Variants in MRGPRX3 observed in about 807,000 individuals in gnomAD.
The protein encoded by MRGPRX3 is mas-related G protein-coupled receptor member X3.
In MRGPRX3, 14 loss-of-function variants were observed where a neutral mutation model predicts 16.5. The observed-to-expected ratio is 0.85, with a 90% CI of 0.56 to 1.33. The LOEUF is 1.33. Ranked by LOEUF, MRGPRX3 falls within the 40% of genes most tolerant of loss-of-function variation. MRGPRX3 has a pLI of 0.00. For synonymous variants in MRGPRX3, 199 were observed against 180.1 expected (o/e 1.10, Z -0.84); for missense variants, 449 against 413.0 (o/e 1.09, Z -0.76).
At chr11:18,131,353 T>C (rs1441211570), upstream of MRGPRX3, among the ~76,000 whole-genome samples, 1 of 151,240 alleles carries the variant, frequency 6.6e-6, no homozygotes, top group Non-Finnish European at 1.5e-5. Flanking sequence ...AAGCAAACAA[T>C]CCCATGAAAG....
upstream of MRGPRX3, among the ~76,000 whole-genome samples, chr11:18,129,909 A>G (rs1453452141): frequency 6.6e-6 from 1 of 152,240 alleles, no homozygotes; most frequent in Admixed American, 6.5e-5. Flanking sequence ...CATCACATAA[A>G]CAGAATTAAA....
upstream of MRGPRX3, among the ~76,000 whole-genome samples, chr11:18,131,133 T>C (rs1848956901): frequency 6.6e-6 from 1 of 152,110 alleles, no homozygotes; most frequent in Non-Finnish European, 1.5e-5. Context: ...GGCAAAGACT[T>C]CATGGCCAAG....
At chr11:18,129,399 T>C (rs1402836987), upstream of MRGPRX3, among the ~76,000 whole-genome samples, 1 of 152,228 alleles carries the variant, frequency 6.6e-6, no homozygotes, top group Admixed American at 6.5e-5. Flanking sequence ...TTCAAGACTA[T>C]TGTGATCACC....
At chr11:18,134,613 T>C (rs1320067768) in intron 1 of MRGPRX3, among the ~76,000 whole-genome samples, 1 of 152,210 alleles carries the variant, frequency 6.6e-6, no homozygotes, top group Non-Finnish European at 1.5e-5. Flanking sequence ...AATGACACTC[T>C]TCGAGATCTG....
chr11:18,125,782 G>A (rs1275505959), intron 1 of MRGPRX3, among the ~76,000 whole-genome samples: 3 of 152,192 alleles, frequency 2.0e-5, no homozygotes, highest in Non-Finnish European at 4.4e-5. Context: ...AATATTGACA[G>A]TGGGGTATTA....
Position 18,124,758 on chromosome 11 carries a change from G to A in MRGPRX3, c.-152+3594G>A, listed in dbSNP as rs535201896. On this transcript the variant is annotated intron_variant, in intron 1 of 2. Transcript: ENST00000396275. ...CTATTGATTGGAATAATTTCAGAAGGAATGGTACCAGCTCCTCCTTGTACC... is the reference window on the plus strand; with the variant it reads ...CTATTGATTGGAATAATTTCAGAAGAAATGGTACCAGCTCCTCCTTGTACC... Among the ~76,000 whole-genome samples the A allele has an allele frequency of 6.3e-4, 96 of 152,124 alleles. 1 individual carries two copies. In the East Asian group the frequency reaches 0.016, roughly 25 times the overall value.
chr11:18,124,977 G>A (rs572097156), intron 1 of MRGPRX3, among the ~76,000 whole-genome samples: 5 of 152,300 alleles, frequency 3.3e-5, no homozygotes, highest in Non-Finnish European at 5.9e-5. Context: ...TATTTGCATA[G>A]AGGTGTTTAT....
In MRGPRX3 at chr11:18,132,717, T is replaced by A. The variant is rs1325093267; in HGVS notation, c.-48T>A. On this transcript the variant is annotated 5_prime_UTR_variant, in exon 1 of 2. Transcript: ENST00000621697. ...TTAGCACAAGGGAGGTCTTCACCACTGGACAAAGAAGGAACGATAAGGGTA... is the reference window on the plus strand; with the variant it reads ...TTAGCACAAGGGAGGTCTTCACCACAGGACAAAGAAGGAACGATAAGGGTA... 1 of 152,240 alleles carries A rather than the reference T, an allele frequency of 6.6e-6. No homozygotes were observed. The highest frequency in any genetic ancestry group is 2.4e-5 in the African/African-American group (1 of 41,458). The allele number at this position is 152,240 out of a possible 1,614,324, so 9.4% of individuals were successfully genotyped here. A position where few individuals can be genotyped will look rare whatever the true frequency, so the allele number is the denominator to read the frequency against.
rs984286689 is a variant in MRGPRX3 at position 18,132,710 on chromosome 11, TCAC to T, written c.-51_-49del. On this transcript the variant is annotated 5_prime_UTR_variant, in exon 1 of 2. Transcript: ENST00000621697. The stretch of plus-strand genomic sequence containing the variant: ...TCTACCTTTAGCACAAGGGAGGTCT[TCAC>T]CACTGGACAAAGAAGGAACGATAAG... 3 of 152,260 alleles carry T rather than the reference TCAC, an allele frequency of 2.0e-5. No individual in the cohort carries two copies. Among genetic ancestry groups the T allele is most frequent in the African/African-American group, 7.2e-5 (3 of 41,460 alleles). 9.4% of individuals were successfully genotyped at this position (152,260 alleles called of 1,614,324 possible).
rs1386531238 is a variant in MRGPRX3, at chr11:18,137,646, C to T, written c.444C>T (p.Ala148=). The part of the protein sequence containing the change: ...LSSVMCVLLW[A]LSLLRSILEW... ...CAGTCATGTGTGTCCTGCTCTGGGC[C>T]CTGTCCCTGCTGCGGAGTATCCTGG... Residue 148 remains alanine (A), a synonymous_variant, in exon 2 of 2, where the codon GCC becomes GCT. Coordinates refer to ENST00000621697, the MANE Select transcript of MRGPRX3 (RefSeq NM_001370464.1). The T allele has an allele frequency of 3.1e-6, 5 of 1,613,990 alleles. No individual in the cohort carries two copies. Among genetic ancestry groups the T allele is most frequent in the East Asian group, 2.2e-5 (1 of 44,886 alleles).
chr11:18,127,645 C>A (rs1426478408), upstream of MRGPRX3, among the ~76,000 whole-genome samples: 1 of 152,232 alleles, frequency 6.6e-6, no homozygotes, highest in Non-Finnish European at 1.5e-5. Flanking sequence ...GACTTCTCTG[C>A]ATTGGTTATT....
At chr11:18,131,839 C>A (rs954088463), upstream of MRGPRX3, among the ~76,000 whole-genome samples, 5 of 151,984 alleles carry the variant, frequency 3.3e-5, no homozygotes, top group African/African-American at 9.7e-5. Context: ...TTCTCACTTA[C>A]AAGTGGGGAC....
intron 1 of MRGPRX3, among the ~76,000 whole-genome samples, chr11:18,136,862 G>C (rs991338711): frequency 6.6e-6 from 1 of 152,182 alleles, no homozygotes; most frequent in African/African-American, 2.4e-5. Flanking sequence ...CTCCACCTGA[G>C]AGAAAATTTC....
chr11:18,131,745 A>G (rs150877391), upstream of MRGPRX3, among the ~76,000 whole-genome samples: 238 of 152,292 alleles, frequency 1.6e-3, no homozygotes, highest in African/African-American at 5.2e-3. Flanking sequence ...GAATAAAATG[A>G]TGACATTCAC....
At chr11:18,132,950 C>T (rs60467549) in intron 1 of MRGPRX3, among the ~76,000 whole-genome samples, 7,755 of 152,198 alleles carry the variant, frequency 0.051, 659 homozygotes, top group African/African-American at 0.18. Context: ...ATTTATCTCC[C>T]CATATCACCT....
chr11:18,128,655 G>T (rs1172733270), upstream of MRGPRX3, among the ~76,000 whole-genome samples: 1 of 152,214 alleles, frequency 6.6e-6, no homozygotes, highest in Non-Finnish European at 1.5e-5. Context: ...GGAGTGACCC[G>T]ATTTTCCAGG....
At chr11:18,136,714 C>T (rs1849009907) in intron 1 of MRGPRX3, among the ~76,000 whole-genome samples, 1 of 152,202 alleles carries the variant, frequency 6.6e-6, no homozygotes, top group Non-Finnish European at 1.5e-5. Context: ...TCTCACCCAC[C>T]AGGTCCCGCC....
At chr11:18,124,295 T>C (rs1048391824) in intron 1 of MRGPRX3, among the ~76,000 whole-genome samples, 39 of 152,236 alleles carry the variant, frequency 2.6e-4, no homozygotes, top group Admixed American at 7.2e-4. Context: ...TTCCAGTTTT[T>C]GCCCATTCAG....
intron 1 of MRGPRX3, among the ~76,000 whole-genome samples, chr11:18,126,467 A>G (rs184413778): frequency 1.7e-3 from 255 of 152,174 alleles, no homozygotes; most frequent in African/African-American, 5.9e-3. Context: ...GTTTGGCTGG[A>G]TATGAAATTC....
Sources: gnomAD v4.1 joint callset for allele counts (sites outside exome capture counted in the v4.1 genomes callset) on GRCh38, gnomAD v4.1.1 for gene constraint, MANE v1.5 for transcripts, NCBI Gene and HGNC (gene_info 2026-07-23, HGNC 2026-07-21) for gene names.